The following PSMD1 variants were observed in gnomAD, a reference collection of about 807,000 sequenced individuals.
PSMD1 encodes the protein proteasome 26S subunit, non-ATPase 1.
In PSMD1, 18 loss-of-function variants were observed where a neutral mutation model predicts 119.0. The observed-to-expected ratio is 0.15, with a 90% CI of 0.10 to 0.22. The LOEUF is 0.22. Among genes scored for constraint, PSMD1 ranks in the 10% least tolerant of loss-of-function variants. The pLI is 1.00. For synonymous variants in PSMD1, 374 were observed against 396.6 expected (o/e 0.94, Z 0.68); for missense variants, 702 against 1,158.5 (o/e 0.61, Z 5.72).
At chr2:231,119,885 A>C (rs1695473015) in intron 16 of PSMD1, among the ~76,000 whole-genome samples, 1 of 151,648 alleles carries the variant, frequency 6.6e-6, no homozygotes, top group Non-Finnish European at 1.5e-5. Context: ...AAAAAAAAAA[A>C]AAAAAACTTA....
chr2:231,146,399 C>A (rs752141843), intron 18 of PSMD1, 43 bp downstream of exon 18: 1 of 1,458,494 alleles, frequency 6.9e-7, no homozygotes, highest in Non-Finnish European at 9.6e-7. Context: ...ATGGTTTGGT[C>A]TTTTCTTTAG....
At chr2:231,117,094 C>T (rs1392345096) in intron 16 of PSMD1, among the ~76,000 whole-genome samples, 1 of 151,952 alleles carries the variant, frequency 6.6e-6, no homozygotes, top group East Asian at 1.9e-4. Context: ...GACTTTCATT[C>T]TAAAATCATT....
At chr2:231,094,139 G>A (rs1310347154) in intron 16 of PSMD1, among the ~76,000 whole-genome samples, 1 of 152,000 alleles carries the variant, frequency 6.6e-6, no homozygotes, top group South Asian at 2.1e-4. Context: ...CTGTTGGAGG[G>A]GCGGTGCCGT....
At chr2:231,114,462 G>A (rs1381056701) in intron 16 of PSMD1, among the ~76,000 whole-genome samples, 4 of 152,206 alleles carry the variant, frequency 2.6e-5, no homozygotes, top group African/African-American at 7.2e-5. Flanking sequence ...TGGTGAAATA[G>A]TGGAGTGATT....
At chr2:231,172,303 G>C (rs1382312279) in intron 24 of PSMD1, among the ~76,000 whole-genome samples, 2 of 152,108 alleles carry the variant, frequency 1.3e-5, no homozygotes, top group Non-Finnish European at 2.9e-5. Flanking sequence ...ATGACTTAGA[G>C]GTTTATAGCT....
chr2:231,161,808 T>C (rs1168110120), intron 20 of PSMD1, among the ~76,000 whole-genome samples: 2 of 152,244 alleles, frequency 1.3e-5, no homozygotes, highest in African/African-American at 4.8e-5. Context: ...ATGAATTTTA[T>C]TTAATACTAA....
chr2:231,132,085 T>G (rs193280075), intron 16 of PSMD1, among the ~76,000 whole-genome samples: 6 of 152,200 alleles, frequency 3.9e-5, no homozygotes, highest in Admixed American at 6.5e-5. Context: ...CTGGTATTTA[T>G]GTTCTCAGGC....
chr2:231,082,834 A>G (rs772385544), intron 12 of PSMD1, 49 bp from the exon 13 acceptor site: 5 of 1,340,006 alleles, frequency 3.7e-6, no homozygotes, highest in Non-Finnish European at 5.3e-6. Flanking sequence ...AAAAACTTGT[A>G]TGTTAAGTAC....
chr2:231,146,220 G>T lies in PSMD1; in HGVS notation c.1999-20G>T. On this transcript the variant is annotated intron_variant, in intron 17 of 24. Transcript: ENST00000308696. ...TATCAACTTTATTTAAAAGTTGTGT[G>T]TTTTTTTAAATTCTTTCAGGAAGCC... The T allele has an allele frequency of 6.5e-7, 1 of 1,530,212 alleles. No homozygotes were observed. Among genetic ancestry groups the T allele is most frequent in the Non-Finnish European group, 9.0e-7 (1 of 1,107,816 alleles). 94.8% of individuals were successfully genotyped at this position (1,530,212 alleles called of 1,614,324 possible).
intron 16 of PSMD1, among the ~76,000 whole-genome samples, chr2:231,107,369 T>C (rs905924843): frequency 2.0e-5 from 3 of 152,208 alleles, no homozygotes; most frequent in African/African-American, 7.2e-5. Context: ...GGGACAAATA[T>C]GGGTGAACCT....
At chr2:231,073,446 C>A (rs1362556204) in intron 7 of PSMD1, among the ~76,000 whole-genome samples, 1 of 152,112 alleles carries the variant, frequency 6.6e-6, no homozygotes, top group African/African-American at 2.4e-5. Context: ...CTAAGTCTTG[C>A]AGTCAGGTAT....
intron 16 of PSMD1, among the ~76,000 whole-genome samples, chr2:231,119,322 T>C (rs1695449750): frequency 6.6e-6 from 1 of 152,174 alleles, no homozygotes; most frequent in Non-Finnish European, 1.5e-5. Flanking sequence ...CATATTTAAT[T>C]TGCATGCAGT....
intron 20 of PSMD1, among the ~76,000 whole-genome samples, chr2:231,162,684 G>A (rs1337170222): frequency 5.9e-5 from 9 of 152,082 alleles, no homozygotes; most frequent in Admixed American, 2.0e-4. Flanking sequence ...AATTCAGGCC[G>A]GGTGTGGTTG....
chr2:231,074,065 GA>G (rs1694102377), intron 7 of PSMD1, among the ~76,000 whole-genome samples: 1 of 151,848 alleles, frequency 6.6e-6, no homozygotes, highest in African/African-American at 2.4e-5. Context: ...AAGAGGCAGT[GA>G]AAAAAATCTT....
chr2:231,071,960 A>G (rs1264184709), intron 6 of PSMD1, among the ~76,000 whole-genome samples: 1 of 152,232 alleles, frequency 6.6e-6, no homozygotes, highest in African/African-American at 2.4e-5. Flanking sequence ...GCACAGCATT[A>G]AGAGTTATAA....
intron 16 of PSMD1, among the ~76,000 whole-genome samples, chr2:231,134,366 A>G (rs1486282160): frequency 3.9e-5 from 6 of 152,212 alleles, no homozygotes; most frequent in Non-Finnish European, 8.8e-5. Context: ...GCTGTATCAG[A>G]CAATTGGCAG....
intron 12 of PSMD1, among the ~76,000 whole-genome samples, chr2:231,081,735 A>G (rs1694313965): frequency 6.6e-6 from 1 of 152,258 alleles, no homozygotes; most frequent in South Asian, 2.1e-4. Context: ...CTGTGCATTC[A>G]GAAATGACAG....
At chr2:231,169,804 G>A (rs185276164) in intron 23 of PSMD1, among the ~76,000 whole-genome samples, 79 of 152,278 alleles carry the variant, frequency 5.2e-4, no homozygotes, top group African/African-American at 1.6e-3. Flanking sequence ...ACACTAGAGA[G>A]GGGTGAATAG....
intron 7 of PSMD1, among the ~76,000 whole-genome samples, chr2:231,074,506 C>T (rs939650075): frequency 2.0e-5 from 3 of 152,086 alleles, no homozygotes; most frequent in African/African-American, 7.2e-5. Flanking sequence ...AGTTAATCTT[C>T]ATTTCTGAAA....
Sources: allele counts gnomAD v4.1 joint callset (sites outside exome capture counted in the v4.1 genomes callset), GRCh38; gene constraint gnomAD v4.1.1; transcripts MANE v1.5; gene names NCBI Gene and HGNC (gene_info 2026-07-23, HGNC 2026-07-21).